Variants in SP1 observed in about 807,000 individuals in gnomAD.
SP1 encodes the protein Sp1 transcription factor, also known as transcription factor Sp1.
In SP1, 6 loss-of-function variants were observed where a neutral mutation model predicts 66.3. The observed-to-expected ratio is 0.09, with a 90% CI of 0.05 to 0.18. The LOEUF (loss-of-function observed/expected upper bound fraction) is 0.18. SP1 is among the 10% of genes least tolerant of loss of function. The pLI is 1.00. For synonymous variants in SP1, 417 were observed against 360.8 expected (o/e 1.16, Z -1.77); for missense variants, 848 against 964.5 (o/e 0.88, Z 1.60).
intron 1 of SP1, among the ~76,000 whole-genome samples, chr12:53,380,858 C>T (rs536539416): frequency 1.3e-5 from 2 of 151,446 alleles, no homozygotes; most frequent in East Asian, 3.9e-4. Context: ...CCTTTAGTTC[C>T]TTAGCAGTAT....
Position 53,383,206 on chromosome 12 carries a change from T to C in SP1, c.1259T>C (p.Leu420Ser), listed in dbSNP as rs1213669834. ...QALQALQAAP[L>S]SGQTFTTQAI... ...CTCCAGGCCCTCCAAGCAGCACCAT[T>C]GTCAGGGCAGACCTTTACAACTCAA... is the stretch of plus-strand genomic sequence containing the variant. Residue 420 changes from leucine (L) to serine (S), a missense_variant, in exon 3 of 6, where the codon TTG (leucine) becomes TCG (serine). This residue lies in a region of SP1 where 606 missense variants were observed against 589.9 expected (regional missense o/e 1.03). Transcript: ENST00000327443. 6.2e-7 allele frequency: 1 copy of C among 1,614,168 alleles called. No homozygotes were observed. The highest frequency in any genetic ancestry group is 2.2e-5 in the East Asian group (1 of 44,884).
At chr12:53,395,903 C>G (rs1212842563) in intron 3 of SP1, among the ~76,000 whole-genome samples, 1 of 151,676 alleles carries the variant, frequency 6.6e-6, no homozygotes, top group Non-Finnish European at 1.5e-5. Context: ...GAGTGGATCA[C>G]AAGGTCAGGA....
At chr12:53,408,702 C>T (rs1024050961) in intron 4 of SP1, among the ~76,000 whole-genome samples, 6 of 147,474 alleles carry the variant, frequency 4.1e-5, no homozygotes, top group Non-Finnish European at 7.5e-5. Context: ...GTCAGGAGAT[C>T]GAGACCATCC....
rs183762099 is a variant in SP1 at position 53,382,840 on chromosome 12, C to G, written c.893C>G (p.Pro298Arg). Residue 298 changes from proline (P) to arginine (R), a missense_variant, in exon 3 of 6, where the codon CCT becomes CGT. Physicochemically the swap from Pro to Arg is moderately radical, Grantham distance 103. This residue lies in a region of SP1 where 606 missense variants were observed against 589.9 expected (regional missense o/e 1.03). Coordinates refer to ENST00000327443, the MANE Select transcript of SP1 (RefSeq NM_138473.3). The part of the protein sequence containing the change: ...SSGSQESGSQ[P>R]VTSGTTISSA... ...GGGTCCCAGGAGAGTGGCTCACAGC[C>G]TGTCACCTCAGGGACTACCATCAGT... 9.3e-6 allele frequency: 15 copies of G among 1,614,216 alleles called. No homozygotes were observed. Among genetic ancestry groups the G allele is most frequent in the Admixed American group, 1.7e-5 (1 of 60,014 alleles).
chr12:53,392,347 A>ATTT lies in SP1; in HGVS notation c.1675+8750_1675+8752dup, dbSNP rs574953864. Among the ~76,000 whole-genome samples the ATTT allele has an allele frequency of 9.4e-5, 8 of 85,342 alleles. 1 individual carries two copies. Among genetic ancestry groups the ATTT allele is most frequent in the Admixed American group, 1.3e-4 (1 of 7,642 alleles). 56.0% of individuals were successfully genotyped at this position (85,342 alleles called of 152,430 possible). A position where few individuals can be genotyped will look rare whatever the true frequency, so the allele number is the denominator to read the frequency against. ...AGGAGCCCACAGCCACACCTGGCTA[A>ATTT]TTTTTTTTTTTTTTTTTTTTTTTTT... On this transcript the variant is annotated intron_variant, in intron 3 of 5. Coordinates refer to ENST00000327443, the MANE Select transcript of SP1 (RefSeq NM_138473.3).
In SP1 at chr12:53,415,659, CT is replaced by C. The variant is rs1938981819; in HGVS notation, c.*4420del. 4 of 151,672 alleles carry C rather than the reference CT, an allele frequency of 2.6e-5. No homozygotes were observed. The South Asian group carries it at 6.3e-4, about 24-fold the overall frequency. The allele number at this position is 151,672 out of a possible 1,614,324, so 9.4% of individuals were successfully genotyped here. A position where few individuals can be genotyped will look rare whatever the true frequency, so the allele number is the denominator to read the frequency against. On this transcript the variant is annotated 3_prime_UTR_variant, in exon 6 of 6. Transcript: ENST00000327443. Reference sequence around the variant, plus strand: ...CAGGGGAAAAAAAAAAAAAAAAAGCCTAACAAATGGGATTAGACTAGGGCTG... The same window carrying C: ...CAGGGGAAAAAAAAAAAAAAAAAGCCAACAAATGGGATTAGACTAGGGCTG...
In SP1 at chr12:53,383,411, G is replaced by A. The variant is rs146947952; in HGVS notation, c.1464G>A (p.Gln488=). The A allele has an allele frequency of 1.6e-5, 26 of 1,614,058 alleles. No homozygotes were observed. The African/African-American group carries it at 3.2e-4, about 20-fold the overall frequency. Residue 488 remains glutamine, a synonymous_variant, in exon 3 of 6, where the codon CAG becomes CAA. Coordinates refer to ENST00000327443, the MANE Select transcript of SP1 (RefSeq NM_138473.3). ...QAQTITLAPM[Q]GVSLGQTSSS... is the part of the protein sequence containing the mutation. ...AAACAATCACCTTAGCCCCAATGCA[G>A]GGTGTTTCCTTGGGGCAGACCAGCA...
At chr12:53,382,008 G>A in intron 2 of SP1, 102 bp from the exon 3 acceptor site, 2 of 1,241,672 alleles carry the variant, frequency 1.6e-6, no homozygotes, top group South Asian at 2.9e-5. Context: ...TCTGTTTTTT[G>A]CTCCTTGTCT....
At chr12:53,389,570 C>T (rs1452819125) in intron 3 of SP1, among the ~76,000 whole-genome samples, 1 of 151,308 alleles carries the variant, frequency 6.6e-6, no homozygotes, top group Non-Finnish European at 1.5e-5. Context: ...TGGTCTCGAT[C>T]TCCTGGCCTC....
At chr12:53,392,986 C>T (rs546044165) in intron 3 of SP1, among the ~76,000 whole-genome samples, 7 of 151,642 alleles carry the variant, frequency 4.6e-5, no homozygotes, top group Non-Finnish European at 8.8e-5. Context: ...CCACCATGCC[C>T]GGCTAATTTT....
chr12:53,410,975 G>A lies in SP1; in HGVS notation c.2093G>A (p.Ser698Asn). ...CPECPKRFMRSDHLSKHIKTH... is the reference protein window; with the variant it reads ...CPECPKRFMRNDHLSKHIKTH... ...GAGTGTCCTAAGCGCTTCATGAGGA[G>A]TGACCACCTGTCAAAACATATCAAG... The change falls in exon 6 of 6, where the codon AGT (serine) becomes AAT (asparagine). Residue 698 changes from serine to asparagine, a missense_variant. This residue lies in a region of SP1 where 39 missense variants were observed against 124.2 expected (regional missense o/e 0.31). Transcript: ENST00000327443. 6.2e-7 allele frequency: 1 copy of A among 1,614,160 alleles called. No homozygotes were observed. Among genetic ancestry groups the A allele is most frequent in the Non-Finnish European group, 8.5e-7 (1 of 1,180,014 alleles).
chr12:53,391,346 C>CTTTTT (rs71068117), intron 3 of SP1, among the ~76,000 whole-genome samples: 1,167 of 97,442 alleles, frequency 0.012, 59 homozygotes, highest in African/African-American at 0.026. Flanking sequence ...TAAGTAATGT[C>CTTTTT]TTTTTTTTTT....
intron 4 of SP1, among the ~76,000 whole-genome samples, chr12:53,408,245 CAA>C (rs548495020): frequency 2.1e-4 from 21 of 97,676 alleles, no homozygotes; most frequent in Non-Finnish European, 2.9e-4. Context: ...GACTCTGTCT[CAA>C]AAAAAAAAAA....
chr12:53,411,017 A>G lies in SP1; in HGVS notation c.2135A>G (p.Lys712Arg). 1 of 1,614,198 alleles carries G rather than the reference A, an allele frequency of 6.2e-7. No individual in the cohort carries two copies. The highest frequency in any genetic ancestry group is 8.5e-7 in the Non-Finnish European group (1 of 1,180,014). Reference sequence around the variant, plus strand: ...CATATCAAGACCCACCAGAATAAGAAGGGAGGCCCAGGTGTAGCTCTGAGT... The same window carrying G: ...CATATCAAGACCCACCAGAATAAGAGGGGAGGCCCAGGTGTAGCTCTGAGT... ...SKHIKTHQNK[K>R]GGPGVALSVG... Residue 712 changes from lysine (K) to arginine (R), a missense_variant, in exon 6 of 6, where the codon AAG (lysine) becomes AGG (arginine). Transcript: ENST00000327443.
chr12:53,383,710 T>G, intron 3 of SP1, 88 bp downstream of exon 3: 1 of 1,038,994 alleles, frequency 9.6e-7, no homozygotes, highest in Non-Finnish European at 1.4e-6. Flanking sequence ...TAGAGCCTTT[T>G]GAGATAACAC....
intron 3 of SP1, among the ~76,000 whole-genome samples, chr12:53,385,637 G>A (rs1453120156): frequency 6.7e-6 from 1 of 150,092 alleles, no homozygotes; most frequent in Non-Finnish European, 1.5e-5. Flanking sequence ...ATTATGGGCT[G>A]GGCGCGGTGG....
intron 3 of SP1, among the ~76,000 whole-genome samples, chr12:53,405,484 A>G (rs1938711654): frequency 2.0e-5 from 3 of 152,052 alleles, no homozygotes; most frequent in Admixed American, 2.0e-4. Flanking sequence ...CCTGACCAAC[A>G]TGGTGAAACC....
At chr12:53,395,077 A>G (rs1938454310) in intron 3 of SP1, among the ~76,000 whole-genome samples, 1 of 151,972 alleles carries the variant, frequency 6.6e-6, no homozygotes, top group African/African-American at 2.4e-5. Flanking sequence ...GCAGTGGCTC[A>G]TGTCTGTAAT....
chr12:53,400,178 G>A lies in SP1; in HGVS notation c.1676-6407G>A, dbSNP rs549149521. 8.1e-4 allele frequency among the ~76,000 whole-genome samples: 124 copies of A among 152,232 alleles called. 3 individuals are homozygous for A. The highest frequency in any genetic ancestry group is 6.5e-4 in the Non-Finnish European group (44 of 68,020). ...ATTGGCAGCCATGCCCCATTCTCAC[G>A]TTCACTCTCAGCCCCAAGCAATGTA... On this transcript the variant is annotated intron_variant, in intron 3 of 5. Coordinates refer to ENST00000327443, the MANE Select transcript of SP1 (RefSeq NM_138473.3).
Sources: gnomAD v4.1 joint callset for allele counts (sites outside exome capture counted in the v4.1 genomes callset) on GRCh38, gnomAD v4.1.1 for gene constraint, gnomAD v4.1.1 regional missense constraint, MANE v1.5 for transcripts, NCBI Gene and HGNC (gene_info 2026-07-23, HGNC 2026-07-21) for gene names.